Variants in TYW1B observed in about 807,000 individuals in gnomAD.
The protein encoded by TYW1B is tRNA-yW synthesizing protein 1 homolog B.
TYW1B carries 73 observed loss-of-function variants against 86.9 expected under a neutral mutation model. That is an observed-to-expected ratio of 0.84 (90% CI 0.70 to 1.02). The LOEUF is 1.02. TYW1B is among the 50% of genes least tolerant of loss of function. The probability of loss-of-function intolerance (pLI) is 0.00; values close to 1 mark genes in which losing one functional copy is unlikely to be tolerated. For synonymous variants in TYW1B, 248 were observed against 292.8 expected (o/e 0.85, Z 1.56); for missense variants, 637 against 827.4 (o/e 0.77, Z 2.82).
chr7:72,759,334 C>A (rs1191633280), intron 7 of TYW1B, among the ~76,000 whole-genome samples: 1 of 151,976 alleles, frequency 6.6e-6, no homozygotes, highest in African/African-American at 2.4e-5. Context: ...GACTCCATCT[C>A]AAAATTTTAA....
intron 7 of TYW1B, among the ~76,000 whole-genome samples, chr7:72,757,400 G>C (rs533723385): frequency 3.5e-5 from 5 of 144,168 alleles, no homozygotes; most frequent in Non-Finnish European, 6.1e-5. Flanking sequence ...GAAATGCAAA[G>C]AATTAAGAAG....
intron 11 of TYW1B, among the ~76,000 whole-genome samples, chr7:72,669,291 C>A (rs1554445891): frequency 6.6e-6 from 1 of 151,612 alleles, no homozygotes; most frequent in African/African-American, 2.4e-5. Flanking sequence ...ATCACAGGCG[C>A]CTGCCACCAC....
intron 6 of TYW1B, among the ~76,000 whole-genome samples, chr7:72,788,772 A>C (rs565922687): frequency 6.6e-6 from 1 of 152,142 alleles, no homozygotes; most frequent in Admixed American, 6.5e-5. Context: ...ACCTCAGGTG[A>C]TCTGCCTGCC....
At chr7:72,622,240 G>C (rs1168258137) in intron 12 of TYW1B, among the ~76,000 whole-genome samples, 1 of 152,138 alleles carries the variant, frequency 6.6e-6, no homozygotes, top group African/African-American at 2.4e-5. Flanking sequence ...TAAGATACAT[G>C]CTAATTTACA....
intron 11 of TYW1B, among the ~76,000 whole-genome samples, chr7:72,652,377 G>GAA (rs1169791430): frequency 0.095 from 2,934 of 30,874 alleles, 399 homozygotes; most frequent in East Asian, 0.22. Context: ...GACTCTGTCT[G>GAA]AAAAAAAAAA....
chr7:72,643,195 G>T (rs1812843340), intron 11 of TYW1B, among the ~76,000 whole-genome samples: 1 of 151,962 alleles, frequency 6.6e-6, no homozygotes, highest in African/African-American at 2.4e-5. Flanking sequence ...GGAAACAAAA[G>T]AACAGAAATT....
intron 7 of TYW1B, among the ~76,000 whole-genome samples, chr7:72,753,498 T>TTTG (rs1489101171): frequency 2.6e-5 from 4 of 151,140 alleles, no homozygotes; most frequent in Non-Finnish European, 4.4e-5. Context: ...TTTTTTTTTT[T>TTTG]GAGACAGAAT....
chr7:72,688,831 A>G (rs1312423352), intron 11 of TYW1B, among the ~76,000 whole-genome samples: 1 of 152,170 alleles, frequency 6.6e-6, no homozygotes, highest in African/African-American at 2.4e-5. Context: ...CATTTCTCTA[A>G]AACGATATTA....
chr7:72,702,833 G>A (rs1814505393), intron 10 of TYW1B, among the ~76,000 whole-genome samples: 1 of 151,530 alleles, frequency 6.6e-6, no homozygotes, highest in African/African-American at 2.4e-5. Context: ...AATTTCCACA[G>A]GTAAAAAAAA....
Position 72,808,322 on chromosome 7 carries a change from C to T in TYW1B, c.433-966G>A, listed in dbSNP as rs540863067. On this transcript the variant is annotated intron_variant, in intron 4 of 13. Coordinates refer to ENST00000620995, the MANE Select transcript of TYW1B (RefSeq NM_001145440.3). The stretch of plus-strand genomic sequence containing the variant: ...AAAAACTAGCTGGATGTGTGGTGGG[C>T]GCCTGTGGTCCCAGCTACTCAGTAG... 8.1e-4 allele frequency among the ~76,000 whole-genome samples: 123 copies of T among 151,852 alleles called. 1 individual carries two copies. The highest frequency in any genetic ancestry group is 2.8e-3 in the African/African-American group (118 of 41,446).
At chr7:72,685,867 C>A (rs1554449309) in intron 11 of TYW1B, among the ~76,000 whole-genome samples, 2 of 152,108 alleles carry the variant, frequency 1.3e-5, no homozygotes, top group Non-Finnish European at 2.9e-5. Context: ...AAGCTACAGA[C>A]TGGGAGAAAA....
chr7:72,656,576 T>C (rs1446389231), intron 11 of TYW1B, among the ~76,000 whole-genome samples: 1 of 151,484 alleles, frequency 6.6e-6, no homozygotes, highest in Admixed American at 6.6e-5. Context: ...ATCGCGCCAC[T>C]GCACTCCAGC....
chr7:72,739,276 C>T (rs1450493632), intron 8 of TYW1B, among the ~76,000 whole-genome samples: 6 of 152,070 alleles, frequency 3.9e-5, no homozygotes, highest in East Asian at 1.9e-4. Context: ...TCTCTGCTTA[C>T]GTTAAAAAAA....
intron 10 of TYW1B, among the ~76,000 whole-genome samples, chr7:72,701,539 T>C (rs1171937918): frequency 6.6e-6 from 1 of 152,162 alleles, no homozygotes; most frequent in Non-Finnish European, 1.5e-5. Flanking sequence ...GCTGGGATGA[T>C]AGACATGAGC....
At chr7:72,743,299 A>G (rs1787336475) in intron 8 of TYW1B, among the ~76,000 whole-genome samples, 1 of 152,212 alleles carries the variant, frequency 6.6e-6, no homozygotes, top group Non-Finnish European at 1.5e-5. Flanking sequence ...GGGAAACTGA[A>G]AAGAAACTGA....
chr7:72,587,499 T>C (rs1397348032), intron 13 of TYW1B, among the ~76,000 whole-genome samples: 1 of 152,118 alleles, frequency 6.6e-6, no homozygotes, highest in Non-Finnish European at 1.5e-5. Flanking sequence ...ATGACATCAT[T>C]GGGAACTGAA....
At position 72,764,432 on chromosome 7, in the gene TYW1B, G is replaced by A. The variant is rs533191866; in HGVS notation, c.964+12984C>T. Among the ~76,000 whole-genome samples the A allele has an allele frequency of 1.8e-4, 28 of 152,138 alleles. 1 individual carries two copies. In the Middle Eastern group the frequency reaches 0.01, roughly 55 times the overall value. ...CGAGTAGCTGGGACTACAGGCGCCC[G>A]CCACCACGCCCAGCTAATTTTTGTA... On this transcript the variant is annotated intron_variant, in intron 7 of 13. Transcript: ENST00000620995.
At chr7:72,647,770 G>C (rs368223314) in intron 11 of TYW1B, among the ~76,000 whole-genome samples, 2 of 151,666 alleles carry the variant, frequency 1.3e-5, no homozygotes, top group African/African-American at 4.8e-5. Flanking sequence ...CTGCAGCCTC[G>C]ACTTCCCAGG....
At chr7:72,616,404 T>C (rs562818753) in intron 13 of TYW1B, among the ~76,000 whole-genome samples, 1 of 152,280 alleles carries the variant, frequency 6.6e-6, no homozygotes, top group South Asian at 2.1e-4. Flanking sequence ...GCATTTTGCT[T>C]TTGTTTTGTT....
Sources: gnomAD v4.1 joint callset for allele counts (sites outside exome capture counted in the v4.1 genomes callset) on GRCh38, gnomAD v4.1.1 for gene constraint, MANE v1.5 for transcripts, NCBI Gene and HGNC (gene_info 2026-07-23, HGNC 2026-07-21) for gene names.